Variants in INPP4A observed in about 807,000 individuals in gnomAD.
INPP4A encodes the protein inositol polyphosphate-4-phosphatase type I A, also known as inositol polyphosphate-4-phosphatase, type I, 107kD.
A neutral mutation model predicts 119.8 loss-of-function variants in INPP4A; 33 were observed. The observed-to-expected ratio is 0.28, with a 90% confidence interval of 0.21 to 0.37. The LOEUF (loss-of-function observed/expected upper bound fraction) is 0.37, where lower values mean the gene tolerates loss of function less well. Among genes scored for constraint, INPP4A ranks in the 10% least tolerant of loss-of-function variants. The pLI is 1.00. For missense variants in INPP4A, 956 were observed against 1,289.9 expected (o/e 0.74, Z 3.97); for synonymous variants, 496 against 500.7 (o/e 0.99, Z 0.12).
At chr2:98,520,549 T>TTTC in intron 3 of INPP4A, 138 bp from the exon 4 acceptor site, 2 of 678,080 alleles carry the variant, frequency 2.9e-6, no homozygotes, top group Non-Finnish European at 5.2e-6. Flanking sequence ...AAACAAAATA[T>TTTC]TTTTAAAATA....
Position 98,530,101 on chromosome 2 carries a change from C to T in INPP4A, c.152-3276C>T, listed in dbSNP as rs190073948. ...ACTCAAGAATATTCCAGCTGCCAGG[C>T]ATCTCCTTATGAGACTAACAAATTC... On this transcript the variant is annotated intron_variant, in intron 4 of 24. Transcript: ENST00000409851. Among the ~76,000 whole-genome samples the T allele has an allele frequency of 2.8e-4, 42 of 151,690 alleles. 2 individuals carry two copies. The South Asian group carries it at 7.9e-3, about 29-fold the overall frequency.
chr2:98,460,079 C>T (rs960210251), intron 1 of INPP4A, among the ~76,000 whole-genome samples: 5 of 150,002 alleles, frequency 3.3e-5, no homozygotes, highest in African/African-American at 1.0e-4. Context: ...GAGAAGGTGC[C>T]ACACCTTTGG....
intron 4 of INPP4A, among the ~76,000 whole-genome samples, chr2:98,528,893 C>T (rs991826038): frequency 2.0e-5 from 3 of 151,888 alleles, no homozygotes; most frequent in East Asian, 1.9e-4. Flanking sequence ...CTGGCTAACA[C>T]AGTGAAACCC....
At chr2:98,538,213 A>G (rs1291863927) in intron 8 of INPP4A, among the ~76,000 whole-genome samples, 1 of 152,174 alleles carries the variant, frequency 6.6e-6, no homozygotes, top group Non-Finnish European at 1.5e-5. Context: ...ACACTGGCCA[A>G]TTCTAGAGGG....
At chr2:98,556,011 A>C in intron 16 of INPP4A, 2 of 565,252 alleles carry the variant, frequency 3.5e-6, no homozygotes, top group East Asian at 2.9e-5. Context: ...ACTGGAGCCC[A>C]TGTGTGATTC....
At chr2:98,488,935 CTGTGTGTG>C (rs55758146) in intron 1 of INPP4A, among the ~76,000 whole-genome samples, 1,923 of 126,092 alleles carry the variant, frequency 0.015, 21 homozygotes, top group African/African-American at 0.026. Context: ...AGTACATGCA[CTGTGTGTG>C]TGTGTGTGTG....
Position 98,563,443 on chromosome 2 carries a change from G to A in INPP4A, c.1856-22G>A, listed in dbSNP as rs369574460. ...CTTAAAATCTCTCTCTCATTGTGAT[G>A]ACCCCTTCGCTTGTGCCCCAGGTGA... is the stretch of plus-strand genomic sequence containing the variant. On this transcript the variant is annotated intron_variant, in intron 17 of 24. Coordinates refer to ENST00000409851, the MANE Select transcript of INPP4A (RefSeq NM_001134225.2). 3.7e-6 allele frequency: 6 copies of A among 1,604,868 alleles called. No individual in the cohort carries two copies. In the East Asian group the frequency reaches 6.7e-5, roughly 18 times the overall value.
At chr2:98,459,997 C>G (rs561309670) in intron 1 of INPP4A, among the ~76,000 whole-genome samples, 1 of 152,248 alleles carries the variant, frequency 6.6e-6, no homozygotes, top group East Asian at 1.9e-4. Flanking sequence ...TCAGCAGTGA[C>G]CTTTTTTATC....
intron 1 of INPP4A, among the ~76,000 whole-genome samples, chr2:98,472,153 A>G (rs1361107643): frequency 2.0e-5 from 3 of 152,196 alleles, no homozygotes; most frequent in Non-Finnish European, 4.4e-5. Flanking sequence ...GTGGAGCAGA[A>G]GTATGGTCCA....
At position 98,558,573 on chromosome 2, in the gene INPP4A, G is replaced by A. The variant is rs534331040; in HGVS notation, c.1823-890G>A. Among the ~76,000 whole-genome samples, 9 of 152,300 alleles carry A rather than the reference G, an allele frequency of 5.9e-5. No homozygotes were observed. In the South Asian group the frequency reaches 1.9e-3, roughly 32 times the overall value. ...TTGCCCCTTCTTTACAACCTAGGTT[G>A]TAAAATCCCCATAAAGCTGGTTCTG... is the stretch of plus-strand genomic sequence containing the variant. On this transcript the variant is annotated intron_variant, in intron 16 of 24. Transcript: ENST00000409851.
At chr2:98,509,496 A>G (rs775934291) in intron 1 of INPP4A, among the ~76,000 whole-genome samples, 2 of 152,236 alleles carry the variant, frequency 1.3e-5, no homozygotes, top group African/African-American at 2.4e-5. Flanking sequence ...ATTGTCTTCC[A>G]CAAAACCAGT....
chr2:98,522,609 G>A (rs1687428637), intron 4 of INPP4A, among the ~76,000 whole-genome samples: 1 of 152,064 alleles, frequency 6.6e-6, no homozygotes, highest in Non-Finnish European at 1.5e-5. Context: ...GGGAGGAAAT[G>A]CAAAGAAAGA....
chr2:98,533,882 C>G (rs1689715930), intron 5 of INPP4A, among the ~76,000 whole-genome samples: 1 of 152,130 alleles, frequency 6.6e-6, no homozygotes, highest in Non-Finnish European at 1.5e-5. Flanking sequence ...TCCAGACATA[C>G]CCCTATTTTT....
Position 98,555,666 on chromosome 2 carries a change from T to C in INPP4A, c.1680T>C (p.Cys560=). 6.2e-7 allele frequency: 1 copy of C among 1,613,972 alleles called. No homozygotes were observed. Among genetic ancestry groups the C allele is most frequent in the Non-Finnish European group, 8.5e-7 (1 of 1,179,882 alleles). ...AGGGCTGTGAGGATGTCTTCCCCTG[T>C]GCAGGCAGCTGCACCAGCAAGAAAG... is the stretch of plus-strand genomic sequence containing the variant. ...HGEGCEDVFP[C]AGSCTSKKGN... Residue 560 remains cysteine, a synonymous_variant, in exon 16 of 25, where the codon TGT becomes TGC. Transcript: ENST00000409851.
At chr2:98,571,675 C>T (rs941859215) in intron 22 of INPP4A, among the ~76,000 whole-genome samples, 3 of 152,208 alleles carry the variant, frequency 2.0e-5, no homozygotes, top group African/African-American at 7.2e-5. Context: ...AGCAGGATGG[C>T]TGGTCTCTGA....
intron 1 of INPP4A, among the ~76,000 whole-genome samples, chr2:98,448,959 G>A (rs1694762584): frequency 2.0e-5 from 3 of 152,080 alleles, no homozygotes; most frequent in Non-Finnish European, 4.4e-5. Context: ...TGCGTTGGCC[G>A]ACCACAGTGC....
intron 10 of INPP4A, among the ~76,000 whole-genome samples, chr2:98,541,697 AC>A (rs2106026091): frequency 6.6e-6 from 1 of 152,266 alleles, no homozygotes; most frequent in African/African-American, 2.4e-5. Context: ...TCATCCTCTT[AC>A]CTCAGCTTCC....
intron 17 of INPP4A, among the ~76,000 whole-genome samples, chr2:98,560,754 G>A (rs549867825): frequency 6.6e-6 from 1 of 152,332 alleles, no homozygotes; most frequent in East Asian, 1.9e-4. Flanking sequence ...TGGTGCCCAA[G>A]CCTGGGGCCA....
At chr2:98,518,789 T>C (rs149728838) in intron 1 of INPP4A, among the ~76,000 whole-genome samples, 175 bp from the exon 2 acceptor site, 103 of 152,320 alleles carry the variant, frequency 6.8e-4, no homozygotes, top group African/African-American at 2.3e-3. Context: ...GCTTTCTCTT[T>C]CTCATTTATT....
Sources: gnomAD v4.1 joint callset for allele counts (sites outside exome capture counted in the v4.1 genomes callset) on GRCh38, gnomAD v4.1.1 for gene constraint, MANE v1.5 for transcripts, NCBI Gene and HGNC (gene_info 2026-07-23, HGNC 2026-07-21) for gene names.